The following PIP4K2A variants were observed in gnomAD, a reference collection of about 807,000 sequenced individuals.
The protein encoded by PIP4K2A is phosphatidylinositol 5-phosphate 4-kinase type-2 alpha.
A neutral mutation model predicts 42.9 loss-of-function variants in PIP4K2A; 14 were observed. The ratio of observed to expected loss-of-function variants is 0.33; its 90% CI spans 0.22 to 0.51. PIP4K2A has a LOEUF of 0.51. Ranked by LOEUF, PIP4K2A falls within the 20% of genes least tolerant of loss-of-function variation. PIP4K2A has a pLI of 0.97. For missense variants in PIP4K2A, 434 were observed against 519.8 expected, an observed-to-expected ratio of 0.83 and a Z score of 1.61; for synonymous variants, 192 against 192.2, an observed-to-expected ratio of 1.00 and a Z score of 0.01.
intron 1 of PIP4K2A, among the ~76,000 whole-genome samples, chr10:22,701,604 C>G (rs1000270014): frequency 2.0e-5 from 3 of 152,224 alleles, no homozygotes; most frequent in Admixed American, 6.5e-5. Flanking sequence ...TGGCTTCTCA[C>G]TGTCTCACTT....
Position 22,535,671 on chromosome 10 carries a change from A to G in PIP4K2A, c.*1530T>C, listed in dbSNP as rs1835900972. The G allele has an allele frequency of 1.3e-5, 2 of 157,118 alleles. No individual in the cohort carries two copies. Among genetic ancestry groups the G allele is most frequent in the Non-Finnish European group, 2.8e-5 (2 of 71,422 alleles). The allele number at this position is 157,118 out of a possible 1,614,324, so 9.7% of individuals were successfully genotyped here. A position where few individuals can be genotyped will look rare whatever the true frequency, so the allele number is the denominator to read the frequency against. ...TTCAAAGGCATGGCTTTAGCGCAGC[A>G]TGTAAGTGGATAACCTACTCTAAGC... On this transcript the variant is annotated 3_prime_UTR_variant, in exon 10 of 10. Coordinates refer to ENST00000376573, the MANE Select transcript of PIP4K2A (RefSeq NM_005028.5).
At chr10:22,690,778 A>C (rs1191366827) in intron 1 of PIP4K2A, among the ~76,000 whole-genome samples, 1 of 152,248 alleles carries the variant, frequency 6.6e-6, no homozygotes, top group African/African-American at 2.4e-5. Flanking sequence ...GGAGGGCTAG[A>C]ATCTGAAATA....
chr10:22,593,974 A>C (rs1471817290), intron 3 of PIP4K2A, among the ~76,000 whole-genome samples: 1 of 152,228 alleles, frequency 6.6e-6, no homozygotes, highest in Non-Finnish European at 1.5e-5. Flanking sequence ...ACGTCCTCTC[A>C]TGGGCCAATA....
chr10:22,697,643 T>A (rs879537658), intron 1 of PIP4K2A, among the ~76,000 whole-genome samples: 3 of 152,120 alleles, frequency 2.0e-5, no homozygotes, highest in Admixed American at 2.0e-4. Flanking sequence ...GGAGAATCAC[T>A]TGTACCCAAG....
At chr10:22,611,738 G>A (rs1028045078) in intron 1 of PIP4K2A, among the ~76,000 whole-genome samples, 1 of 152,104 alleles carries the variant, frequency 6.6e-6, no homozygotes, top group African/African-American at 2.4e-5. Flanking sequence ...TGCTATCAGT[G>A]GAATATCAAA....
At chr10:22,567,452 A>G in intron 6 of PIP4K2A, 1 of 392,090 alleles carries the variant, frequency 2.6e-6, no homozygotes, top group Non-Finnish European at 4.9e-6. Flanking sequence ...CAGCGATGCA[A>G]AGAAATGTAT....
At chr10:22,585,217 G>A (rs780435375) in intron 4 of PIP4K2A, among the ~76,000 whole-genome samples, 41 of 152,240 alleles carry the variant, frequency 2.7e-4, no homozygotes, top group African/African-American at 8.9e-4. Context: ...CCTAACCTTC[G>A]GGAAAGGATA....
chr10:22,587,932 C>T (rs1364091489), intron 4 of PIP4K2A, among the ~76,000 whole-genome samples: 1 of 152,190 alleles, frequency 6.6e-6, no homozygotes, highest in Non-Finnish European at 1.5e-5. Flanking sequence ...CCCAGACCTG[C>T]CCTCAGTGAG....
intron 1 of PIP4K2A, among the ~76,000 whole-genome samples, chr10:22,615,059 G>A (rs1564443754): frequency 6.6e-6 from 1 of 152,118 alleles, no homozygotes. Context: ...CATTCTATAT[G>A]ATCTACCCTA....
At chr10:22,667,563 C>T (rs1355351383) in intron 1 of PIP4K2A, among the ~76,000 whole-genome samples, 1 of 152,036 alleles carries the variant, frequency 6.6e-6, no homozygotes, top group Admixed American at 6.6e-5. Context: ...AAATTTAGCA[C>T]CTAACAAATG....
At chr10:22,568,010 G>C in intron 5 of PIP4K2A, 121 bp from the exon 6 acceptor site, 2 of 874,930 alleles carry the variant, frequency 2.3e-6, no homozygotes, top group Non-Finnish European at 3.9e-6. Flanking sequence ...CTGCTTCGCA[G>C]CCCATGCGGA....
At position 22,611,369 on chromosome 10, in the gene PIP4K2A, G is replaced by T. The variant is rs116646797; in HGVS notation, c.145-1652C>A. 2.4e-3 allele frequency among the ~76,000 whole-genome samples: 361 copies of T among 150,940 alleles called. 1 individual carries two copies. The highest frequency in any genetic ancestry group is 8.5e-3 in the African/African-American group (347 of 40,970). On this transcript the variant is annotated intron_variant, in intron 1 of 9. Coordinates refer to ENST00000376573, the MANE Select transcript of PIP4K2A (RefSeq NM_005028.5). ...TGTACCACTGCACTCCAGCCTGGGT[G>T]ACAGAGTGGATCCATGTCTGTTAAA...
At chr10:22,683,399 G>A (rs1397505734) in intron 1 of PIP4K2A, among the ~76,000 whole-genome samples, 1 of 152,158 alleles carries the variant, frequency 6.6e-6, no homozygotes, top group Non-Finnish European at 1.5e-5. Flanking sequence ...AAGTGCAAGG[G>A]GACCTGAGTC....
chr10:22,676,314 C>G (rs138810830), intron 1 of PIP4K2A, among the ~76,000 whole-genome samples: 2 of 152,266 alleles, frequency 1.3e-5, no homozygotes, highest in African/African-American at 4.8e-5. Flanking sequence ...AAACCAGTAC[C>G]TACAGAAGTT....
chr10:22,578,292 T>C (rs933969722), intron 4 of PIP4K2A, among the ~76,000 whole-genome samples: 59 of 152,194 alleles, frequency 3.9e-4, no homozygotes, highest in Admixed American at 3.9e-3. Context: ...TCTGTTGCTC[T>C]GTAACCCCCC....
chr10:22,614,353 T>A (rs1051301560), intron 1 of PIP4K2A, among the ~76,000 whole-genome samples: 7 of 152,216 alleles, frequency 4.6e-5, no homozygotes, highest in Admixed American at 4.6e-4. Context: ...TTGTAATATG[T>A]CCTGGTACAG....
intron 1 of PIP4K2A, among the ~76,000 whole-genome samples, chr10:22,680,401 T>G (rs1046796868): frequency 6.6e-6 from 1 of 152,212 alleles, no homozygotes; most frequent in Non-Finnish European, 1.5e-5. Flanking sequence ...TTTCTAAATC[T>G]TCTCCAATAA....
intron 1 of PIP4K2A, among the ~76,000 whole-genome samples, chr10:22,709,807 A>G (rs977780070): frequency 1.3e-5 from 2 of 152,116 alleles, no homozygotes; most frequent in African/African-American, 4.8e-5. Flanking sequence ...CTTCCCTAAT[A>G]AACTTTCTGT....
rs1837037650 is a variant in PIP4K2A, at chr10:22,573,465, GGAGA to G, written c.493-12_493-9del. 6.3e-7 allele frequency: 1 copy of G among 1,597,616 alleles called. No individual in the cohort carries two copies. The highest frequency in any genetic ancestry group is 2.2e-5 in the East Asian group (1 of 44,778). On this transcript the variant is annotated splice_polypyrimidine_tract_variant and intron_variant, in intron 4 of 9. Coordinates refer to ENST00000376573, the MANE Select transcript of PIP4K2A (RefSeq NM_005028.5). ...ATGACATTCCACTATGTACTGCATA[GGAGA>G]GAAAGAAAAAGGAAAAAAACATCCA...
Sources: allele counts gnomAD v4.1 joint callset (sites outside exome capture counted in the v4.1 genomes callset), GRCh38; gene constraint gnomAD v4.1.1; transcripts MANE v1.5; gene names NCBI Gene and HGNC (gene_info 2026-07-23, HGNC 2026-07-21).